ADAMTS3: variants seen among roughly 807,000 people sequenced by gnomAD.
ADAMTS3 encodes the protein A disintegrin and metalloproteinase with thrombospondin motifs 3.
Under a neutral mutation model 129.0 loss-of-function variants are expected in ADAMTS3, and 73 were observed. The ratio of observed to expected loss-of-function variants is 0.57; its 90% CI spans 0.47 to 0.69. The LOEUF (loss-of-function observed/expected upper bound fraction) is 0.69, where lower values mean the gene tolerates loss of function less well. Ranked by LOEUF, ADAMTS3 falls within the 30% of genes least tolerant of loss-of-function variation. The pLI is 0.00. For missense variants in ADAMTS3, 1,457 were observed against 1,514.5 expected (o/e 0.96, Z 0.63); for synonymous variants, 477 against 510.8 (o/e 0.93, Z 0.89).
intron 3 of ADAMTS3, among the ~76,000 whole-genome samples, chr4:72,508,290 G>C (rs1018413208): frequency 2.0e-5 from 3 of 152,062 alleles, no homozygotes; most frequent in Non-Finnish European, 2.9e-5. Flanking sequence ...TAGTTCTTTA[G>C]AGGCCTATAA....
At chr4:72,516,698 CT>C (rs1270856354) in intron 3 of ADAMTS3, among the ~76,000 whole-genome samples, 1 of 152,142 alleles carries the variant, frequency 6.6e-6, no homozygotes, top group Non-Finnish European at 1.5e-5. Flanking sequence ...TATCCTGACA[CT>C]TTGCTGAAGT....
intron 3 of ADAMTS3, among the ~76,000 whole-genome samples, chr4:72,513,278 A>T (rs1414444555): frequency 6.6e-6 from 1 of 152,048 alleles, no homozygotes; most frequent in Non-Finnish European, 1.5e-5. Context: ...CTCATCTTTG[A>T]TCCCTTACAC....
At chr4:72,523,524 A>G (rs1026358022) in intron 3 of ADAMTS3, among the ~76,000 whole-genome samples, 3 of 152,142 alleles carry the variant, frequency 2.0e-5, no homozygotes, top group African/African-American at 7.2e-5. Context: ...TCTGCCCAGC[A>G]TAACATGTGA....
At chr4:72,497,515 T>A (rs563072189) in intron 3 of ADAMTS3, among the ~76,000 whole-genome samples, 1 of 151,598 alleles carries the variant, frequency 6.6e-6, no homozygotes, top group South Asian at 2.1e-4. Flanking sequence ...GTACATATTA[T>A]GTTAAATATT....
intron 3 of ADAMTS3, among the ~76,000 whole-genome samples, chr4:72,538,499 AG>A (rs200612746): frequency 5.7e-4 from 86 of 150,876 alleles, no homozygotes; most frequent in Non-Finnish European, 7.7e-4. Context: ...GAATAACAAG[AG>A]AAAAAAAAAA....
chr4:72,416,847 A>C (rs1410059801), intron 3 of ADAMTS3, among the ~76,000 whole-genome samples: 1 of 152,148 alleles, frequency 6.6e-6, no homozygotes, highest in East Asian at 1.9e-4. Flanking sequence ...CTCAGGCATT[A>C]ATTAATTAAT....
At chr4:72,430,477 A>G (rs1399291098) in intron 3 of ADAMTS3, among the ~76,000 whole-genome samples, 1 of 152,124 alleles carries the variant, frequency 6.6e-6, no homozygotes, top group East Asian at 2.0e-4. Context: ...AGAAGCCTCC[A>G]GAGAGCCCCC....
intron 3 of ADAMTS3, among the ~76,000 whole-genome samples, chr4:72,439,204 C>T (rs1469708055): frequency 1.3e-5 from 2 of 151,594 alleles, no homozygotes; most frequent in African/African-American, 2.4e-5. Context: ...TTTTTAAAAA[C>T]AGTACATGCC....
At chr4:72,350,448 T>C (rs1720404415) in intron 4 of ADAMTS3, among the ~76,000 whole-genome samples, 1 of 152,042 alleles carries the variant, frequency 6.6e-6, no homozygotes, top group African/African-American at 2.4e-5. Context: ...TCATTATGGG[T>C]TGCATTTTCT....
intron 4 of ADAMTS3, among the ~76,000 whole-genome samples, chr4:72,357,928 A>C (rs1720623899): frequency 6.6e-6 from 1 of 152,010 alleles, no homozygotes; most frequent in Non-Finnish European, 1.5e-5. Context: ...CATCCAAAAA[A>C]ATTCCAGAAA....
At chr4:72,446,317 T>C (rs577749997) in intron 3 of ADAMTS3, among the ~76,000 whole-genome samples, 166 of 151,788 alleles carry the variant, frequency 1.1e-3, no homozygotes, top group African/African-American at 3.8e-3. Flanking sequence ...ACTGCCAGGA[T>C]TGGGTCACAT....
rs575377884 is a variant in ADAMTS3, at chr4:72,338,375, T to C, written c.861+1119A>G. Among the ~76,000 whole-genome samples, 24 of 152,284 alleles carry C rather than the reference T, an allele frequency of 1.6e-4. No individual in the cohort carries two copies. In the East Asian group the frequency reaches 3.5e-3, roughly 22 times the overall value. ...TTTTCTGTGTGTTGTTTGGTCTTCATAACAGAAATTAGTGCCAAGAACAAA... is the reference window on the plus strand; with the variant it reads ...TTTTCTGTGTGTTGTTTGGTCTTCACAACAGAAATTAGTGCCAAGAACAAA... On this transcript the variant is annotated intron_variant, in intron 5 of 21. Transcript: ENST00000286657.
chr4:72,369,163 G>A lies in ADAMTS3; in HGVS notation c.662-29470C>T, dbSNP rs113470214. Among the ~76,000 whole-genome samples the A allele has an allele frequency of 1.6e-3, 242 of 152,234 alleles. 1 individual carries two copies. The highest frequency in any genetic ancestry group is 5.7e-3 in the African/African-American group (235 of 41,538). On this transcript the variant is annotated intron_variant, in intron 4 of 21. Transcript: ENST00000286657. The stretch of plus-strand genomic sequence containing the variant: ...ACACTACGCATGGTGTCTTTACTTC[G>A]TATATAACTAATCCTCATAAAAACC...
intron 4 of ADAMTS3, among the ~76,000 whole-genome samples, chr4:72,391,367 G>A (rs889321490): frequency 6.6e-6 from 1 of 152,132 alleles, no homozygotes; most frequent in Middle Eastern, 3.4e-3. Context: ...GGAGGAAAAG[G>A]AGAGTGTTTT....
intron 4 of ADAMTS3, among the ~76,000 whole-genome samples, chr4:72,379,437 G>GAA (rs5859315): frequency 3.0e-5 from 4 of 132,402 alleles, no homozygotes. Flanking sequence ...TAAACAGTTT[G>GAA]AAAAAAAAAA....
chr4:72,363,425 T>C (rs960869953), intron 4 of ADAMTS3, among the ~76,000 whole-genome samples: 1 of 152,058 alleles, frequency 6.6e-6, no homozygotes, highest in African/African-American at 2.4e-5. Flanking sequence ...CTCAATATTG[T>C]AAAATAAGAG....
chr4:72,368,351 T>C (rs1325972477), intron 4 of ADAMTS3, among the ~76,000 whole-genome samples: 1 of 152,314 alleles, frequency 6.6e-6, no homozygotes, highest in Admixed American at 6.5e-5. Context: ...TTTGGAAATA[T>C]ATCTTAGAAT....
At chr4:72,316,904 T>A (rs1719412955) in intron 10 of ADAMTS3, among the ~76,000 whole-genome samples, 1 of 152,126 alleles carries the variant, frequency 6.6e-6, no homozygotes, top group Admixed American at 6.6e-5. Flanking sequence ...GGGCTATAGT[T>A]ATGGTTATAA....
rs964007751 is a variant in ADAMTS3, at chr4:72,419,862, T to C, written c.505-4891A>G. On this transcript the variant is annotated intron_variant, in intron 3 of 21. Transcript: ENST00000286657. Reference sequence around the variant, plus strand: ...TATCTTGGGTCAGAATTTTAACATGTAGAAACAGAGACCCAAAAAATAAAT... The same window carrying C: ...TATCTTGGGTCAGAATTTTAACATGCAGAAACAGAGACCCAAAAAATAAAT... Among the ~76,000 whole-genome samples, 20 of 152,054 alleles carry C rather than the reference T, an allele frequency of 1.3e-4. 1 individual carries two copies. The highest frequency in any genetic ancestry group is 1.2e-3 in the Admixed American group (18 of 15,272).
Sources: gnomAD v4.1 joint callset for allele counts (sites outside exome capture counted in the v4.1 genomes callset) on GRCh38, gnomAD v4.1.1 for gene constraint, MANE v1.5 for transcripts, NCBI Gene and HGNC (gene_info 2026-07-23, HGNC 2026-07-21) for gene names.